RNF103: variants seen among roughly 807,000 people sequenced by gnomAD.
RNF103 encodes the protein ring finger protein 103, also known as E3 ubiquitin-protein ligase RNF103.
Under a neutral mutation model 66.2 loss-of-function variants are expected in RNF103, and 23 were observed. The observed-to-expected ratio is 0.35, with a 90% CI of 0.25 to 0.49. RNF103 has a LOEUF of 0.49. RNF103 is among the 20% of genes least tolerant of loss of function. The pLI, the probability that RNF103 is intolerant of heterozygous loss-of-function variation, is 0.98. For synonymous variants in RNF103, 297 were observed against 289.9 expected (o/e 1.02, Z -0.25); for missense variants, 730 against 814.7 (o/e 0.90, Z 1.27).
At chr2:86,609,384 A>ATTTTT (rs112431636) in intron 3 of RNF103, among the ~76,000 whole-genome samples, 43 of 134,424 alleles carry the variant, frequency 3.2e-4, no homozygotes, top group African/African-American at 1.2e-3. Flanking sequence ...AGCCTCAGGT[A>ATTTTT]TTTTTTTTTT....
In RNF103 at chr2:86,605,369, G is replaced by C. The variant is rs1431702299; in HGVS notation, c.532C>G (p.Pro178Ala). 1.2e-6 allele frequency: 2 copies of C among 1,614,026 alleles called. No individual in the cohort carries two copies. Among genetic ancestry groups the C allele is most frequent in the Non-Finnish European group, 1.7e-6 (2 of 1,179,944 alleles). The change falls in exon 4 of 4, where the codon CCA becomes GCA. Residue 178 changes from proline (P) to alanine (A), a missense_variant. By Grantham distance (27) the Pro-to-Ala change is conservative (BLOSUM62 -1). Coordinates refer to ENST00000237455, the MANE Select transcript of RNF103 (RefSeq NM_005667.4). Reference protein sequence around the residue: ...WVRSTLIMSVPQTSTSKGKVM... With the variant: ...WVRSTLIMSVAQTSTSKGKVM... The stretch of plus-strand genomic sequence containing the variant: ...TTCCCTTTTGAAGTACTTGTTTGTG[G>C]AACAGACATAATGAGTGTGGATCGG...
intron 2 of RNF103, chr2:86,616,440 A>G: frequency 1.1e-6 from 1 of 906,996 alleles, no homozygotes; most frequent in Non-Finnish European, 1.3e-6. Flanking sequence ...GTGGTCTTTT[A>G]ATTTTTTTGT....
At chr2:86,616,454 C>T (rs1679025267) in intron 2 of RNF103, 7 of 937,970 alleles carry the variant, frequency 7.5e-6, no homozygotes, top group Non-Finnish European at 8.9e-6. Flanking sequence ...TTTTTGTATT[C>T]TTACATAGAA....
Position 86,604,951 on chromosome 2 carries a change from C to G in RNF103, c.950G>C (p.Arg317Pro). The change falls in exon 4 of 4, where the codon CGC becomes CCC. Residue 317 changes from arginine (R) to proline (P), a missense_variant. Arg to Pro is a moderately radical substitution (Grantham distance 103). This residue lies in a region of RNF103 where 48 missense variants were observed against 93.0 expected (regional missense o/e 0.52). Coordinates refer to ENST00000237455, the MANE Select transcript of RNF103 (RefSeq NM_005667.4). ...ATCATTTACCTCGGGTTGTAATGAG[C>G]GCAAAAATGAATCCATGGCCTGAAG... is the stretch of plus-strand genomic sequence containing the variant. ...ISLQAMDSFL[R>P]SLQPEVNDLF... 1 of 1,614,052 alleles carries G rather than the reference C, an allele frequency of 6.2e-7. No homozygotes were observed. The highest frequency in any genetic ancestry group is 8.5e-7 in the Non-Finnish European group (1 of 1,180,010).
At position 86,604,118 on chromosome 2, in the gene RNF103, A is replaced by G. The variant is rs1427743740; in HGVS notation, c.1783T>C (p.Tyr595His). The change falls in exon 4 of 4, where the codon TAT (tyrosine) becomes CAT (histidine). Residue 595 changes from tyrosine (Y) to histidine (H), a missense_variant. Tyr to His is a moderately conservative substitution (Grantham distance 83, BLOSUM62 2). This residue lies in a region of RNF103 where 355 missense variants were observed against 351.9 expected (regional missense o/e 1.01). Transcript: ENST00000237455. ...TCTTCATTAGTGTTATATGATCCAT[A>G]TGACCTCCCCTTCCTTTCACATGGG... is the stretch of plus-strand genomic sequence containing the variant. ...TSPCERKGRS[Y>H]GSYNTNEDME... 2 of 1,613,484 alleles carry G rather than the reference A, an allele frequency of 1.2e-6. No homozygotes were observed. The highest frequency in any genetic ancestry group is 1.7e-5 in the Admixed American group (1 of 60,026).
Position 86,622,954 on chromosome 2 carries a change from G to T in RNF103, c.-68C>A. The T allele has an allele frequency of 6.7e-7, 1 of 1,496,184 alleles. No homozygotes were observed. The highest frequency in any genetic ancestry group is 1.3e-5 in the South Asian group (1 of 77,810). The allele number at this position is 1,496,184 out of a possible 1,614,324, so 92.7% of individuals were successfully genotyped here. The stretch of plus-strand genomic sequence containing the variant: ...GGAGAGAGAAGGGTCGAGGGCGGGG[G>T]CCGCGGCTCGGTGGCAGCTTGGGCG... On this transcript the variant is annotated 5_prime_UTR_variant, in exon 1 of 4. Coordinates refer to ENST00000237455, the MANE Select transcript of RNF103 (RefSeq NM_005667.4).
intron 3 of RNF103, among the ~76,000 whole-genome samples, chr2:86,607,255 T>A (rs1359758983): frequency 6.6e-6 from 1 of 152,208 alleles, no homozygotes; most frequent in Non-Finnish European, 1.5e-5. Context: ...GATGTTATGC[T>A]TTACTTAGCA....
At chr2:86,613,163 A>G (rs4240204) in intron 2 of RNF103, 69,232 of 152,040 alleles carry the variant, frequency 0.46, 16,926 homozygotes, top group East Asian at 0.79. Context: ...AGAAGGCTGA[A>G]GCATGAGAAT....
At chr2:86,606,576 C>T (rs1369439450) in intron 3 of RNF103, among the ~76,000 whole-genome samples, 1 of 149,144 alleles carries the variant, frequency 6.7e-6, no homozygotes, top group East Asian at 2.0e-4. Flanking sequence ...GGCAGGAGAA[C>T]CGCTTGAACC....
At position 86,614,145 on chromosome 2, in the gene RNF103, TAC is replaced by T. The variant is rs1678918006; in HGVS notation, c.367-1873_367-1872del. On this transcript the variant is annotated intron_variant, in intron 2 of 3. Coordinates refer to ENST00000237455, the MANE Select transcript of RNF103 (RefSeq NM_005667.4). ...AAATAAGTGGTCTTATTGAGGCAGA[TAC>T]AATTTATTCAAATACTCAGACAGCT... 3 of 152,292 alleles carry T rather than the reference TAC, an allele frequency of 2.0e-5. 1 individual carries two copies. Among genetic ancestry groups the T allele is most frequent in the Middle Eastern group, 3.4e-3 (1 of 294 alleles). The allele number at this position is 152,292 out of a possible 1,614,324, so 9.4% of individuals were successfully genotyped here.
chr2:86,615,973 A>C (rs1679003061), intron 2 of RNF103, among the ~76,000 whole-genome samples: 1 of 152,194 alleles, frequency 6.6e-6, no homozygotes, highest in South Asian at 2.1e-4. Context: ...TTCTGATTAC[A>C]CAGAGTCTCT....
At position 86,623,607 on chromosome 2, in the gene RNF103, T is replaced by C. The variant is rs2104275487; in HGVS notation, c.-721A>G. On this transcript the variant is annotated 5_prime_UTR_variant, in exon 1 of 4. Coordinates refer to ENST00000237455, the MANE Select transcript of RNF103 (RefSeq NM_005667.4). ...CGGCGCCTCTCAGGCGGGCGGGCAC[T>C]GCGGCCCGGCCCAGGATGGGGCGTC... The C allele has an allele frequency of 2.9e-6, 3 of 1,035,364 alleles. No homozygotes were observed. The highest frequency in any genetic ancestry group is 3.5e-6 in the Non-Finnish European group (3 of 857,098). 64.1% of individuals were successfully genotyped at this position (1,035,364 alleles called of 1,614,324 possible).
intron 2 of RNF103, chr2:86,613,014 T>C (rs1678857997): frequency 6.6e-6 from 1 of 152,164 alleles, no homozygotes; most frequent in African/African-American, 2.4e-5. Context: ...AATCCCAACA[T>C]GTTGGGAGGC....
chr2:86,613,513 A>G (rs955604422), intron 2 of RNF103: 2 of 152,196 alleles, frequency 1.3e-5, no homozygotes, highest in Non-Finnish European at 2.9e-5. Context: ...CATAAATGTT[A>G]TATTTCTGAT....
In RNF103 at chr2:86,623,768, A is replaced by G; in HGVS notation, c.-882T>C. On this transcript the variant is annotated 5_prime_UTR_variant, in exon 1 of 4. Coordinates refer to ENST00000237455, the MANE Select transcript of RNF103 (RefSeq NM_005667.4). ...CGCTCGGATGGGCAGTGCCGGTCGCAGCACCCGTCCCCAACACCCCCGCCA... is the reference window on the plus strand; with the variant it reads ...CGCTCGGATGGGCAGTGCCGGTCGCGGCACCCGTCCCCAACACCCCCGCCA... 1 of 1,282,480 alleles carries G rather than the reference A, an allele frequency of 7.8e-7. No individual in the cohort carries two copies. Among genetic ancestry groups the G allele is most frequent in the Non-Finnish European group, 1.0e-6 (1 of 986,232 alleles). The allele number at this position is 1,282,480 out of a possible 1,614,324, so 79.4% of individuals were successfully genotyped here. A position where few individuals can be genotyped will look rare whatever the true frequency, so the allele number is the denominator to read the frequency against.
chr2:86,615,047 A>G (rs1678964019), intron 2 of RNF103: 1 of 985,164 alleles, frequency 1.0e-6, no homozygotes, highest in Non-Finnish European at 1.2e-6. Context: ...GACATGTGAT[A>G]AGAGCTCCAA....
rs577266062 is a variant in RNF103, at chr2:86,623,371, C to T, written c.-485G>A. 1.4e-3 allele frequency: 1,355 copies of T among 980,448 alleles called. 13 individuals are homozygous for T. The African/African-American group carries it at 0.021, about 15-fold the overall frequency. 60.7% of individuals were successfully genotyped at this position (980,448 alleles called of 1,614,324 possible). A position where few individuals can be genotyped will look rare whatever the true frequency, so the allele number is the denominator to read the frequency against. On this transcript the variant is annotated 5_prime_UTR_variant, in exon 1 of 4. Coordinates refer to ENST00000237455, the MANE Select transcript of RNF103 (RefSeq NM_005667.4). Reference sequence around the variant, plus strand: ...GGCGGCAGGCCGGGGCCCGAGGGGCCGTGGGGGCCGGACTCCCGCGGCCGC... The same window carrying T: ...GGCGGCAGGCCGGGGCCCGAGGGGCTGTGGGGGCCGGACTCCCGCGGCCGC...
chr2:86,606,674 A>G (rs1179862894), intron 3 of RNF103, among the ~76,000 whole-genome samples: 21 of 148,754 alleles, frequency 1.4e-4, no homozygotes, highest in South Asian at 4.2e-4. Context: ...AAAAAAAAAA[A>G]AAAAAAAAAA....
At chr2:86,616,240 C>T (rs1013223425) in intron 2 of RNF103, among the ~76,000 whole-genome samples, 20 of 152,280 alleles carry the variant, frequency 1.3e-4, no homozygotes, top group East Asian at 9.6e-4. Context: ...CTCCATACAA[C>T]GACATCCAGG....
Sources: allele counts gnomAD v4.1 joint callset (sites outside exome capture counted in the v4.1 genomes callset), GRCh38; gene constraint gnomAD v4.1.1; regional missense constraint gnomAD v4.1.1; transcripts MANE v1.5; gene names NCBI Gene and HGNC (gene_info 2026-07-23, HGNC 2026-07-21).